The following MYO1E variants were observed in gnomAD, a reference collection of about 807,000 sequenced individuals.
MYO1E encodes myosin IE.
Under a neutral mutation model 151.1 loss-of-function variants are expected in MYO1E, and 68 were observed. That is an observed-to-expected ratio of 0.45 (90% CI 0.37 to 0.55). The LOEUF (loss-of-function observed/expected upper bound fraction) is 0.55. Ranked by LOEUF, MYO1E falls within the 20% of genes least tolerant of loss-of-function variation. The pLI is 0.00. For missense variants in MYO1E, 1,363 were observed against 1,389.3 expected (o/e 0.98, Z 0.30); for synonymous variants, 601 against 501.7 (o/e 1.20, Z -2.64).
intron 14 of MYO1E, chr15:59,207,029 C>T (rs3809529): frequency 0.35 from 566,783 of 1,613,676 alleles, 105,276 homozygotes; most frequent in East Asian, 0.63. Flanking sequence ...GCCCTGTGTC[C>T]GCGTCAAGCA....
chr15:59,339,902 C>A (rs796079411), intron 1 of MYO1E, among the ~76,000 whole-genome samples: 1 of 149,272 alleles, frequency 6.7e-6, no homozygotes, highest in Middle Eastern at 3.2e-3. Flanking sequence ...GCCTGGAATG[C>A]GGTGGCACAA....
In MYO1E at chr15:59,195,582, C is replaced by G. The variant is rs1377190564; in HGVS notation, c.1699-15G>C. On this transcript the variant is annotated splice_polypyrimidine_tract_variant and intron_variant, in intron 16 of 27. Transcript: ENST00000288235. ...TTGGCTTGTTTCTAGAAAGGAAGAA[C>G]AGTATCAGAATCATGGAACTTTCTC... 1 of 1,598,868 alleles carries G rather than the reference C, an allele frequency of 6.3e-7. No individual in the cohort carries two copies. The highest frequency in any genetic ancestry group is 8.6e-7 in the Non-Finnish European group (1 of 1,166,094).
chr15:59,209,815 CTTTTTTTTTTTTTTTT>C (rs71119441), intron 13 of MYO1E, among the ~76,000 whole-genome samples: 4 of 49,870 alleles, frequency 8.0e-5, no homozygotes, highest in African/African-American at 2.0e-4. Flanking sequence ...TTTGAATCAC[CTTTTTTTTTTTTTTTT>C]TTTTTTTTTT....
intron 14 of MYO1E, chr15:59,206,618 T>A (rs1271074088): frequency 3.2e-6 from 1 of 311,938 alleles, no homozygotes; most frequent in African/African-American, 2.2e-5. Context: ...TCAGCATTCA[T>A]ATTAAAAATA....
rs75235080 is a variant in MYO1E, at chr15:59,224,322, C to G, written c.777+367G>C. On this transcript the variant is annotated intron_variant, in intron 8 of 27. Coordinates refer to ENST00000288235, the MANE Select transcript of MYO1E (RefSeq NM_004998.4). ...TAAAGACGTTCCAAAATGTCTAAAC[C>G]TATTCAGTCCATAGACGTGCGGTTT... Among the ~76,000 whole-genome samples the G allele has an allele frequency of 6.2e-3, 951 of 152,310 alleles. 10 individuals carry two copies. Among genetic ancestry groups the G allele is most frequent in the African/African-American group, 0.021 (870 of 41,554 alleles).
intron 1 of MYO1E, among the ~76,000 whole-genome samples, chr15:59,333,273 T>C (rs1417427595): frequency 6.6e-6 from 1 of 152,140 alleles, no homozygotes; most frequent in Non-Finnish European, 1.5e-5. Flanking sequence ...AGGGCCTCGC[T>C]CTGTTACCCA....
chr15:59,243,513 G>A (rs1401140711), intron 4 of MYO1E, among the ~76,000 whole-genome samples: 1 of 152,184 alleles, frequency 6.6e-6, no homozygotes, highest in Non-Finnish European at 1.5e-5. Flanking sequence ...CACTTAGCTA[G>A]TGAGTGGAAG....
intron 18 of MYO1E, among the ~76,000 whole-genome samples, chr15:59,180,092 A>G (rs2079649352): frequency 2.0e-5 from 3 of 152,170 alleles, no homozygotes; most frequent in Admixed American, 1.3e-4. Context: ...GCTCCTCTCA[A>G]ATGTCTGCAT....
At position 59,263,551 on chromosome 15, in the gene MYO1E, AT is replaced by A. The variant is rs1423104715; in HGVS notation, c.148-2043del. 1.3e-5 allele frequency among the ~76,000 whole-genome samples: 2 copies of A among 152,284 alleles called. 1 individual carries two copies. The highest frequency in any genetic ancestry group is 4.1e-4 in the South Asian group (2 of 4,822). ...GTGAGATGGATCATATAATCATATA[AT>A]TTTTTTAAAGATAATATTTTAGATT... On this transcript the variant is annotated intron_variant, in intron 2 of 27. Transcript: ENST00000288235.
intron 6 of MYO1E, among the ~76,000 whole-genome samples, chr15:59,231,445 T>G (rs2080027472): frequency 6.6e-6 from 1 of 152,246 alleles, no homozygotes; most frequent in African/African-American, 2.4e-5. Context: ...GCTGCCACTT[T>G]CATCATTTAT....
In MYO1E at chr15:59,295,839, G is replaced by A. The variant is rs1329929742; in HGVS notation, c.4-23390C>T. ...ATTTCCGGTCCAGCTCATCTGCTTT[G>A]GAGAACTTACCTCTGTGTATCTGTC... On this transcript the variant is annotated intron_variant, in intron 1 of 27. Transcript: ENST00000288235. 7.2e-5 allele frequency among the ~76,000 whole-genome samples: 11 copies of A among 152,212 alleles called. No individual in the cohort carries two copies. In the South Asian group the frequency reaches 2.1e-3, roughly 29 times the overall value.
intron 2 of MYO1E, among the ~76,000 whole-genome samples, chr15:59,267,744 G>C (rs1566997026): frequency 6.6e-6 from 1 of 152,236 alleles, no homozygotes; most frequent in African/African-American, 2.4e-5. Flanking sequence ...GTGGTCAGAA[G>C]TGCTCTCTCC....
chr15:59,210,406 C>T, intron 13 of MYO1E, 108 bp downstream of exon 13: 1 of 810,312 alleles, frequency 1.2e-6, no homozygotes, highest in Non-Finnish European at 2.1e-6. Context: ...AAATTCTCTG[C>T]AAATCAGAGT....
chr15:59,199,062 G>A (rs765494050), intron 16 of MYO1E, among the ~76,000 whole-genome samples: 4 of 151,958 alleles, frequency 2.6e-5, no homozygotes, highest in Non-Finnish European at 5.9e-5. Context: ...GAAGTGTTTC[G>A]GATTTTGGAT....
intron 3 of MYO1E, among the ~76,000 whole-genome samples, chr15:59,261,122 AGAATTGTTTGAACCCG>A (rs2080222055): frequency 6.6e-6 from 1 of 152,148 alleles, no homozygotes; most frequent in Non-Finnish European, 1.5e-5. Flanking sequence ...CTGAGGCAGG[AGAATTGTTTGAACCCG>A]GAAGGCGGAG....
At chr15:59,229,536 T>C (rs933107380) in intron 6 of MYO1E, among the ~76,000 whole-genome samples, 6 of 152,242 alleles carry the variant, frequency 3.9e-5, no homozygotes, top group Admixed American at 1.3e-4. Context: ...AATAAAAGGT[T>C]GCATTTGCAT....
intron 1 of MYO1E, among the ~76,000 whole-genome samples, chr15:59,366,278 CCTGT>C (rs1335007609): frequency 1.3e-5 from 2 of 148,552 alleles, no homozygotes; most frequent in South Asian, 2.2e-4. Flanking sequence ...AGGGCCCAGC[CCTGT>C]CTCTTTCTTT....
intron 26 of MYO1E, among the ~76,000 whole-genome samples, chr15:59,139,813 A>C (rs1279024278): frequency 1.3e-5 from 2 of 150,378 alleles, no homozygotes; most frequent in Non-Finnish European, 3.0e-5. Flanking sequence ...ATTACTCTGC[A>C]GACTTCCCTC....
At chr15:59,149,064 T>TG (rs2079460568) in intron 26 of MYO1E, among the ~76,000 whole-genome samples, 1 of 146,956 alleles carries the variant, frequency 6.8e-6, no homozygotes. Flanking sequence ...TTTTTTTTTT[T>TG]TTTTTTTTTT....
Sources: gnomAD v4.1 joint callset for allele counts (sites outside exome capture counted in the v4.1 genomes callset) on GRCh38, gnomAD v4.1.1 for gene constraint, MANE v1.5 for transcripts, NCBI Gene and HGNC (gene_info 2026-07-23, HGNC 2026-07-21) for gene names.